Variants in RAPSN observed in about 807,000 individuals in gnomAD.
The protein encoded by RAPSN is 43 kDa receptor-associated protein of the synapse.
In RAPSN, 33 loss-of-function variants were observed where a neutral mutation model predicts 45.7. The observed-to-expected ratio is 0.72, with a 90% CI of 0.55 to 0.97. The LOEUF is 0.97. Ranked by LOEUF, RAPSN falls within the 50% of genes least tolerant of loss-of-function variation. The probability of loss-of-function intolerance (pLI) is 0.00; values close to 1 mark genes in which losing one functional copy is unlikely to be tolerated. For synonymous variants in RAPSN, 244 were observed against 233.6 expected (o/e 1.04, Z -0.40); for missense variants, 519 against 559.4 (o/e 0.93, Z 0.73).
Position 47,441,809 on chromosome 11 carries a change from C to A in RAPSN, c.789+14G>T, listed in dbSNP as rs1304668133. The A allele has an allele frequency of 7.3e-7, 1 of 1,375,198 alleles. No homozygotes were observed. Among genetic ancestry groups the A allele is most frequent in the East Asian group, 3.4e-5 (1 of 29,166 alleles). The allele number at this position is 1,375,198 out of a possible 1,614,324, so 85.2% of individuals were successfully genotyped here. A position where few individuals can be genotyped will look rare whatever the true frequency, so the allele number is the denominator to read the frequency against. ...TGCCCCCTGCCCCCAGCCCCTGCAT[C>A]CCGGTGACCTCACCTCCAGGTCCCC... is the stretch of plus-strand genomic sequence containing the variant. On this transcript the variant is annotated intron_variant, in intron 4 of 7. Coordinates refer to ENST00000298854, the MANE Select transcript of RAPSN (RefSeq NM_005055.5).
rs1595897993 is a variant in RAPSN at position 47,441,101 on chromosome 11, C to T, written c.966+58G>A. 3.1e-6 allele frequency: 5 copies of T among 1,607,054 alleles called. No homozygotes were observed. In the East Asian group the frequency reaches 6.7e-5, roughly 21 times the overall value. ...AGGCTCAGGAAGGCCCTTCCCCAGA[C>T]CCAAGTTCCCCACTTGGGCCCTTGA... On this transcript the variant is annotated intron_variant, in intron 6 of 7. Transcript: ENST00000298854.
chr11:47,444,538 C>CAAAAA (rs1257417599), intron 2 of RAPSN, among the ~76,000 whole-genome samples: 1 of 147,346 alleles, frequency 6.8e-6, no homozygotes, highest in Admixed American at 6.8e-5. Flanking sequence ...GATCCTGTCT[C>CAAAAA]AAAAAAAAAC....
Position 47,441,664 on chromosome 11 carries a change from G to T in RAPSN, c.859C>A (p.Gln287Lys). 1 of 1,609,798 alleles carries T rather than the reference G, an allele frequency of 6.2e-7. No individual in the cohort carries two copies. The highest frequency in any genetic ancestry group is 8.5e-7 in the Non-Finnish European group (1 of 1,179,832). Residue 287 changes from glutamine (Q) to lysine (K), a missense_variant, in exon 5 of 8, where the codon CAG becomes AAG. Transcript: ENST00000298854. The stretch of plus-strand genomic sequence containing the variant: ...CACTTGGCCACACCCAGCAGCGCCT[G>T]CACCTGCCCCAGGCGGTTTCCGATC... ...TEIGNRLGQV[Q>K]ALLGVAKCWV...
Position 47,445,489 on chromosome 11 carries a change from G to C in RAPSN, c.531+2323C>G, listed in dbSNP as rs111371186. Among the ~76,000 whole-genome samples the C allele has an allele frequency of 1.1e-4, 16 of 150,574 alleles. No homozygotes were observed. The East Asian group carries it at 2.9e-3, about 28-fold the overall frequency. On this transcript the variant is annotated intron_variant, in intron 2 of 7. Coordinates refer to ENST00000298854, the MANE Select transcript of RAPSN (RefSeq NM_005055.5). ...CGTGTGCCGGTAGTCCCAGCTACTC[G>C]GGAGGCTGAGCCAGGAGAATCGCTT...
chr11:47,445,382 G>A (rs1046258146), intron 2 of RAPSN, among the ~76,000 whole-genome samples: 3 of 151,638 alleles, frequency 2.0e-5, no homozygotes, highest in Non-Finnish European at 2.9e-5. Context: ...GGATCACCAG[G>A]TCAAGAGATT....
rs565321918 is a variant in RAPSN, at chr11:47,438,821, C to G, written c.1077G>C (p.Thr359=). 6.4e-7 allele frequency: 1 copy of G among 1,573,806 alleles called. No homozygotes were observed. Among genetic ancestry groups the G allele is most frequent in the Non-Finnish European group, 8.6e-7 (1 of 1,158,760 alleles). Residue 359 remains threonine, a synonymous_variant, in exon 7 of 8, where the codon ACG becomes ACC. Transcript: ENST00000298854. ...VVRFHECVEE[T]ELYCGLCGES... is the part of the protein sequence containing the mutation. ...CGCCGCACAGGCCGCAGTAGAGCTCCGTCTCCTCCACGCACTCGTGGAACC... is the reference window on the plus strand; with the variant it reads ...CGCCGCACAGGCCGCAGTAGAGCTCGGTCTCCTCCACGCACTCGTGGAACC...
chr11:47,439,948 C>T (rs1231781040), intron 6 of RAPSN, among the ~76,000 whole-genome samples: 1 of 152,022 alleles, frequency 6.6e-6, no homozygotes, highest in East Asian at 1.9e-4. Flanking sequence ...ATCTGCCCAC[C>T]TCGGCCTCCC....
chr11:47,441,754 T>C (rs2076365981), intron 4 of RAPSN, 21 bp from the exon 5 acceptor site: 1 of 1,605,358 alleles, frequency 6.2e-7, no homozygotes, highest in African/African-American at 1.3e-5. Flanking sequence ...AGGTGGGGGA[T>C]GGAATCAGGC....
chr11:47,442,606 CT>C (rs1381294002), intron 3 of RAPSN, 49 bp downstream of exon 3: 1 of 1,597,224 alleles, frequency 6.3e-7, no homozygotes, highest in Admixed American at 1.7e-5. Flanking sequence ...GCCCCAGCCC[CT>C]GGCCCACACC....
chr11:47,438,602 C>G (rs2076333448), intron 7 of RAPSN, 130 bp downstream of exon 7: 2 of 1,138,846 alleles, frequency 1.8e-6, no homozygotes, highest in East Asian at 2.6e-5. Context: ...GCGAGACAGA[C>G]GTGAGGCACC....
chr11:47,446,331 G>A (rs1246011380), intron 2 of RAPSN, among the ~76,000 whole-genome samples: 2 of 151,876 alleles, frequency 1.3e-5, no homozygotes, highest in African/African-American at 4.8e-5. Flanking sequence ...TGAGCCACCA[G>A]GCCTAGCTTA....
chr11:47,448,529 C>T (rs568364298), intron 1 of RAPSN, among the ~76,000 whole-genome samples: 1 of 152,286 alleles, frequency 6.6e-6, no homozygotes, highest in East Asian at 1.9e-4. Context: ...ACCCTCGACC[C>T]TGAGGCTGGA....
At position 47,441,467 on chromosome 11, in the gene RAPSN, G is replaced by A. The variant is rs2153308318; in HGVS notation, c.912+144C>T. ...CAAGTGATGGGCCTTCTCTGAGCCTGGAAAATGACCAGGAATGTCCTGGCC... is the reference window on the plus strand; with the variant it reads ...CAAGTGATGGGCCTTCTCTGAGCCTAGAAAATGACCAGGAATGTCCTGGCC... On this transcript the variant is annotated intron_variant, in intron 5 of 7. Transcript: ENST00000298854. The A allele has an allele frequency of 4.1e-6, 6 of 1,454,296 alleles. No homozygotes were observed. The Middle Eastern group carries it at 7.0e-4, about 170-fold the overall frequency. 90.1% of individuals were successfully genotyped at this position (1,454,296 alleles called of 1,614,324 possible).
intron 1 of RAPSN, 60 bp downstream of exon 1, chr11:47,448,713 G>C (rs2076430247): frequency 1.3e-6 from 2 of 1,593,008 alleles, no homozygotes; most frequent in Non-Finnish European, 1.7e-6. Flanking sequence ...GGACTGGGGA[G>C]CCTGGGAGAC....
rs143668632 is a variant in RAPSN, at chr11:47,441,678, C to T, written c.845G>A (p.Arg282His). The change falls in exon 5 of 8, where the codon CGC becomes CAC. Residue 282 changes from arginine (R) to histidine (H), a missense_variant. Arg to His is a conservative substitution (Grantham distance 29, BLOSUM62 0). Transcript: ENST00000298854. ...AMSIMTEIGNRLGQVQALLGV... is the reference protein window; with the variant it reads ...AMSIMTEIGNHLGQVQALLGV... ...CAGCAGCGCCTGCACCTGCCCCAGG[C>T]GGTTTCCGATCTCGGTCATGATGCT... 14 of 1,609,608 alleles carry T rather than the reference C, an allele frequency of 8.7e-6. No homozygotes were observed. Among genetic ancestry groups the T allele is most frequent in the African/African-American group, 6.7e-5 (5 of 74,928 alleles).
At chr11:47,442,963 C>CA (rs2076377633) in intron 2 of RAPSN, 149 bp from the exon 3 acceptor site, 1 of 1,357,358 alleles carries the variant, frequency 7.4e-7, no homozygotes, top group Non-Finnish European at 1.0e-6. Flanking sequence ...ACAAGAGTGG[C>CA]CCGGTAGAGG....
chr11:47,440,787 A>G (rs552525199), intron 6 of RAPSN, among the ~76,000 whole-genome samples: 1 of 152,190 alleles, frequency 6.6e-6, no homozygotes, highest in South Asian at 2.1e-4. Flanking sequence ...TCTTTTTTAG[A>G]GCATGGGTCT....
chr11:47,441,824 T>A lies in RAPSN; in HGVS notation c.788A>T (p.Glu263Val). The A allele has an allele frequency of 8.0e-7, 1 of 1,254,072 alleles. No individual in the cohort carries two copies. The highest frequency in any genetic ancestry group is 1.0e-6 in the Non-Finnish European group (1 of 980,966). 77.7% of individuals were successfully genotyped at this position (1,254,072 alleles called of 1,614,324 possible). Residue 263 changes from glutamate (E) to valine (V), a missense_variant and splice_region_variant, in exon 4 of 8, where the codon GAG becomes GTG. Glu to Val is a moderately radical substitution (Grantham distance 121). Transcript: ENST00000298854. ...GCCCCTGCATCCCGGTGACCTCACC[T>A]CCAGGTCCCCACGGCTCCGGTGGAT... Reference protein sequence around the residue: ...ADIHRSRGDLETAFPRYDSAM... With the variant: ...ADIHRSRGDLVTAFPRYDSAM...
At chr11:47,445,453 G>A (rs912035069) in intron 2 of RAPSN, among the ~76,000 whole-genome samples, 3 of 151,232 alleles carry the variant, frequency 2.0e-5, no homozygotes, top group African/African-American at 2.4e-5. Context: ...AAAATTAGCT[G>A]GGCATAGTGG....
Sources: allele counts gnomAD v4.1 joint callset (sites outside exome capture counted in the v4.1 genomes callset), GRCh38; gene constraint gnomAD v4.1.1; transcripts MANE v1.5; gene names NCBI Gene and HGNC (gene_info 2026-07-23, HGNC 2026-07-21).